MAVS: variants seen among roughly 807,000 people sequenced by gnomAD.
The protein encoded by MAVS is mitochondrial antiviral-signaling protein.
A neutral mutation model predicts 30.2 loss-of-function variants in MAVS; 20 were observed. The ratio of observed to expected loss-of-function variants is 0.66; its 90% CI spans 0.47 to 0.96. The LOEUF is 0.96. Among genes scored for constraint, MAVS ranks in the 40% least tolerant of loss-of-function variants. The probability of loss-of-function intolerance (pLI) is 0.00; values close to 1 mark genes in which losing one functional copy is unlikely to be tolerated. For synonymous variants in MAVS, 278 were observed against 293.9 expected (o/e 0.95, Z 0.55); for missense variants, 624 against 701.1 (o/e 0.89, Z 1.24).
chr20:3,864,579 G>C lies in MAVS; in HGVS notation c.949G>C (p.Ala317Pro), dbSNP rs1225701073. ...GGCCCTGAAAGTGCCTGCCAACCCA[G>C]CATCTGTCAGCACAGTGCCCTCCAA... ...TVALKVPANP[A>P]SVSTVPSKLP... The change falls in exon 6 of 7, where the codon GCA becomes CCA. Residue 317 changes from alanine to proline, a missense_variant. Transcript: ENST00000428216. 5 of 1,614,020 alleles carry C rather than the reference G, an allele frequency of 3.1e-6. No individual in the cohort carries two copies. The highest frequency in any genetic ancestry group is 3.4e-6 in the Non-Finnish European group (4 of 1,180,040).
intron 1 of MAVS, among the ~76,000 whole-genome samples, chr20:3,852,007 TCCC>T (rs763081981): frequency 0.072 from 4,089 of 56,734 alleles, 405 homozygotes; most frequent in African/African-American, 0.22. Context: ...TTTTTTTTTT[TCCC>T]CCGAGACGGA....
intron 1 of MAVS, among the ~76,000 whole-genome samples, chr20:3,850,274 C>CAAA (rs71195864): frequency 4.5e-5 from 2 of 44,448 alleles, no homozygotes; most frequent in Admixed American, 3.4e-4. Context: ...GAGACTGTCT[C>CAAA]AAAAAAAAAA....
rs1216869352 is a variant in MAVS, at chr20:3,864,252, G to T, written c.626-4G>T. 2.5e-6 allele frequency: 4 copies of T among 1,595,980 alleles called. No individual in the cohort carries two copies. The highest frequency in any genetic ancestry group is 1.7e-5 in the Admixed American group (1 of 57,278). On this transcript the variant is annotated splice_region_variant and splice_polypyrimidine_tract_variant and intron_variant, in intron 5 of 6. Coordinates refer to ENST00000428216, the MANE Select transcript of MAVS (RefSeq NM_020746.5). ...TGTTTCCACTTGTGTTTTTCCACCG[G>T]CAGGTGCGACCTCCAGCCTCACACC...
chr20:3,868,709 T>G lies in MAVS; in HGVS notation c.*2562T>G, dbSNP rs367732197. The G allele has an allele frequency of 2.0e-5, 3 of 151,330 alleles. No individual in the cohort carries two copies. Among genetic ancestry groups the G allele is most frequent in the African/African-American group, 7.3e-5 (3 of 41,286 alleles). The allele number at this position is 151,330 out of a possible 1,614,324, so 9.4% of individuals were successfully genotyped here. ...GTAGAATGTTAGCACACTACCAGCC[T>G]AGGTAAAAAATACAAAAAGTAACTG... is the stretch of plus-strand genomic sequence containing the variant. On this transcript the variant is annotated 3_prime_UTR_variant, in exon 7 of 7. Coordinates refer to ENST00000428216, the MANE Select transcript of MAVS (RefSeq NM_020746.5).
rs183136323 is a variant in MAVS, at chr20:3,860,975, C to T, written c.293-357C>T. Among the ~76,000 whole-genome samples, 247 of 151,064 alleles carry T rather than the reference C, an allele frequency of 1.6e-3. 1 individual carries two copies. Among genetic ancestry groups the T allele is most frequent in the African/African-American group, 5.7e-3 (235 of 41,076 alleles). On this transcript the variant is annotated intron_variant, in intron 3 of 6. Coordinates refer to ENST00000428216, the MANE Select transcript of MAVS (RefSeq NM_020746.5). ...CAGGCATGAGCCATCGTGCCCAGCC[C>T]CTGATTCCTTCTTTTTTTTTCTTTC...
intron 1 of MAVS, among the ~76,000 whole-genome samples, chr20:3,849,879 G>A (rs753561710): frequency 6.6e-6 from 1 of 152,222 alleles, no homozygotes; most frequent in Non-Finnish European, 1.5e-5. Flanking sequence ...AGCACTCCCT[G>A]ATGGGGGCGG....
chr20:3,859,316 G>A (rs1000341650), intron 3 of MAVS, among the ~76,000 whole-genome samples: 18 of 152,028 alleles, frequency 1.2e-4, no homozygotes, highest in Admixed American at 2.6e-4. Context: ...GACCAGCCTG[G>A]CCAATATGGT....
intron 1 of MAVS, among the ~76,000 whole-genome samples, chr20:3,848,221 C>T (rs1191356762): frequency 1.3e-5 from 2 of 152,068 alleles, no homozygotes; most frequent in African/African-American, 2.4e-5. Flanking sequence ...GCCTCAGCCT[C>T]CTGAGTAGCT....
Position 3,873,659 on chromosome 20 carries a change from G to A in MAVS, c.*7512G>A, listed in dbSNP as rs2089971184. 2 of 153,748 alleles carry A rather than the reference G, an allele frequency of 1.3e-5. No individual in the cohort carries two copies. The highest frequency in any genetic ancestry group is 4.8e-5 in the African/African-American group (2 of 41,458). The allele number at this position is 153,748 out of a possible 1,614,324, so 9.5% of individuals were successfully genotyped here. ...CCTTCTGTCCCTTCTACCATGTGTGGATGCAGTGAGAAGGCACCGTATCTC... is the reference window on the plus strand; with the variant it reads ...CCTTCTGTCCCTTCTACCATGTGTGAATGCAGTGAGAAGGCACCGTATCTC... On this transcript the variant is annotated 3_prime_UTR_variant, in exon 7 of 7. Transcript: ENST00000428216.
At chr20:3,862,615 T>C (rs1600452848) in intron 5 of MAVS, among the ~76,000 whole-genome samples, 1 of 152,114 alleles carries the variant, frequency 6.6e-6, no homozygotes, top group East Asian at 1.9e-4. Flanking sequence ...TTTCCAAATT[T>C]TTTTTTTAGT....
chr20:3,850,991 C>T (rs2089755571), intron 1 of MAVS, among the ~76,000 whole-genome samples: 1 of 151,872 alleles, frequency 6.6e-6, no homozygotes, highest in African/African-American at 2.4e-5. Context: ...TCGAGACCAG[C>T]CTGGCCAACA....
chr20:3,849,151 G>A (rs573442822), intron 1 of MAVS, among the ~76,000 whole-genome samples: 1 of 151,220 alleles, frequency 6.6e-6, no homozygotes, highest in African/African-American at 2.4e-5. Flanking sequence ...CTACATGAGT[G>A]GCCCCTGCCA....
At chr20:3,851,990 C>CATTTTTTTTTTTTTTTTTT (rs2089763993) in intron 1 of MAVS, among the ~76,000 whole-genome samples, 2 of 80,488 alleles carry the variant, frequency 2.5e-5, no homozygotes, top group African/African-American at 2.4e-4. Flanking sequence ...GTGTAGCAGG[C>CATTTTTTTTTTTTTTTTTT]TTTTTTTTTT....
Position 3,862,215 on chromosome 20 carries a change from G to A in MAVS, c.466-39G>A, listed in dbSNP as rs375348099. ...CAAGCTGCCCTTTGTGAGCTCTTGG[G>A]AGAGGCAACTGCCTTATTCATATTT... On this transcript the variant is annotated intron_variant, in intron 4 of 6. Transcript: ENST00000428216. 7.6e-5 allele frequency: 121 copies of A among 1,600,690 alleles called. No homozygotes were observed. In the African/African-American group the frequency reaches 1.3e-3, roughly 17 times the overall value.
At chr20:3,859,885 C>T (rs1004896581) in intron 3 of MAVS, among the ~76,000 whole-genome samples, 5 of 151,828 alleles carry the variant, frequency 3.3e-5, no homozygotes, top group Admixed American at 6.6e-5. Flanking sequence ...GGTGCCATCT[C>T]AGCTCACTGC....
Position 3,857,692 on chromosome 20 carries a change from T to C in MAVS, c.175T>C (p.Phe59Leu). 1 of 1,614,004 alleles carries C rather than the reference T, an allele frequency of 6.2e-7. No homozygotes were observed. The highest frequency in any genetic ancestry group is 8.5e-7 in the Non-Finnish European group (1 of 1,179,830). Reference protein sequence around the residue: ...SGNRDTLWHLFNTLQRRPGWV... With the variant: ...SGNRDTLWHLLNTLQRRPGWV... ...GAACCGGGACACCCTCTGGCATCTCTTCAATACCCTTCAGCGGCGGCCCGG... is the reference window on the plus strand; with the variant it reads ...GAACCGGGACACCCTCTGGCATCTCCTCAATACCCTTCAGCGGCGGCCCGG... Residue 59 changes from phenylalanine to leucine, a missense_variant, in exon 3 of 7, where the codon TTC (phenylalanine) becomes CTC (leucine). Transcript: ENST00000428216.
chr20:3,854,593 G>A lies in MAVS; in HGVS notation c.-32G>A. ...TCTCAGTCCATCCACCCTTCATGGG[G>A]CCAGAGCCCTCTCTCCAGAATCTGA... On this transcript the variant is annotated 5_prime_UTR_variant, in exon 2 of 7. Transcript: ENST00000428216. 1.3e-6 allele frequency: 2 copies of A among 1,514,672 alleles called. No homozygotes were observed. Among genetic ancestry groups the A allele is most frequent in the Non-Finnish European group, 1.8e-6 (2 of 1,093,196 alleles). 93.8% of individuals were successfully genotyped at this position (1,514,672 alleles called of 1,614,324 possible). A position where few individuals can be genotyped will look rare whatever the true frequency, so the allele number is the denominator to read the frequency against.
rs5840016 is a variant in MAVS, at chr20:3,875,475, T to TAAA, written c.*9340_*9342dup. Reference sequence around the variant, plus strand: ...CTACTTCTTCAGTGCTGTTTTTATTTAAAAAAAAAAAAAACCAGCCAAAAC... The same window carrying TAAA: ...CTACTTCTTCAGTGCTGTTTTTATTTAAAAAAAAAAAAAAAAACCAGCCAAAAC... On this transcript the variant is annotated 3_prime_UTR_variant, in exon 7 of 7. Coordinates refer to ENST00000428216, the MANE Select transcript of MAVS (RefSeq NM_020746.5). 20,575 of 145,578 alleles carry TAAA rather than the reference T, an allele frequency of 0.14. 2,395 individuals are homozygous for TAAA. The highest frequency in any genetic ancestry group is 0.31 in the African/African-American group (12,388 of 39,624). The allele number at this position is 145,578 out of a possible 1,614,324, so 9.0% of individuals were successfully genotyped here.
intron 2 of MAVS, among the ~76,000 whole-genome samples, chr20:3,855,923 C>A (rs997127675): frequency 6.6e-6 from 1 of 151,680 alleles, no homozygotes; most frequent in Admixed American, 6.6e-5. Context: ...GGGTTACAGG[C>A]GCATGCCACC....
Sources: gnomAD v4.1 joint callset for allele counts (sites outside exome capture counted in the v4.1 genomes callset) on GRCh38, gnomAD v4.1.1 for gene constraint, MANE v1.5 for transcripts, NCBI Gene and HGNC (gene_info 2026-07-23, HGNC 2026-07-21) for gene names.